CSMD2: variants seen among roughly 807,000 people sequenced by gnomAD.
CSMD2 encodes CUB and sushi domain-containing protein 2.
CSMD2 carries 130 observed loss-of-function variants against 398.5 expected under a neutral mutation model. The observed-to-expected ratio is 0.33, with a 90% CI of 0.28 to 0.38. CSMD2 has a LOEUF of 0.38. CSMD2 is among the 10% of genes least tolerant of loss of function. CSMD2 has a pLI of 1.00. For synonymous variants in CSMD2, 1,828 were observed against 1,908.5 expected (o/e 0.96, Z 1.10); for missense variants, 3,829 against 4,764.9 (o/e 0.80, Z 5.78).
intron 3 of CSMD2, among the ~76,000 whole-genome samples, chr1:34,003,951 C>G (rs1646979145): frequency 6.6e-6 from 1 of 152,210 alleles, no homozygotes; most frequent in Non-Finnish European, 1.5e-5. Flanking sequence ...CTGCCCCCAT[C>G]CCATGTGGCT....
rs1327455958 is a variant in CSMD2 at position 33,524,870 on chromosome 1, C to T, written c.10396+12G>A. 4 of 1,613,466 alleles carry T rather than the reference C, an allele frequency of 2.5e-6. No individual in the cohort carries two copies. Among genetic ancestry groups the T allele is most frequent in the South Asian group, 2.2e-5 (2 of 91,028 alleles). On this transcript the variant is annotated intron_variant, in intron 66 of 70. Transcript: ENST00000373381. The stretch of plus-strand genomic sequence containing the variant: ...CATCCTCCCGGCTTTCATAGAGGGG[C>T]CTGCTCCTTACCAGCCAAGTGCAGC...
intron 62 of CSMD2, 150 bp from the exon 63 acceptor site, chr1:33,534,057 T>C (rs1532307): frequency 0.21 from 122,329 of 592,448 alleles, 14,157 homozygotes; most frequent in East Asian, 0.34. Context: ...AATTTTCTTC[T>C]TCCTTTGAGG....
At chr1:34,154,409 C>T (rs1424543178) in intron 1 of CSMD2, among the ~76,000 whole-genome samples, 1 of 152,218 alleles carries the variant, frequency 6.6e-6, no homozygotes, top group Non-Finnish European at 1.5e-5. Context: ...ACTATTCTCA[C>T]ACAGGGTCCC....
At chr1:34,025,654 T>A (rs761242758) in intron 3 of CSMD2, among the ~76,000 whole-genome samples, 16 of 152,152 alleles carry the variant, frequency 1.1e-4, no homozygotes, top group Non-Finnish European at 1.9e-4. Context: ...TTTGACTTCT[T>A]ACTAGGACCC....
Position 33,690,985 on chromosome 1 carries a change from G to A in CSMD2, c.4052+1945C>T, listed in dbSNP as rs558445105. ...GACTCCTAGGAGCCCCGCAAGAGAGGGGGTGAGGGATGACCTCCCGGGTGA... is the reference window on the plus strand; with the variant it reads ...GACTCCTAGGAGCCCCGCAAGAGAGAGGGTGAGGGATGACCTCCCGGGTGA... On this transcript the variant is annotated intron_variant, in intron 25 of 70. Transcript: ENST00000373381. Among the ~76,000 whole-genome samples, 7 of 152,334 alleles carry A rather than the reference G, an allele frequency of 4.6e-5. No individual in the cohort carries two copies. The South Asian group carries it at 1.4e-3, about 32-fold the overall frequency.
chr1:34,165,742 C>T (rs1294632589), upstream of CSMD2: 3 of 1,613,930 alleles, frequency 1.9e-6, no homozygotes, highest in Non-Finnish European at 2.5e-6. Context: ...AGTCTTGGCT[C>T]TTACCAGCTG....
chr1:33,562,327 A>G (rs931561722), intron 53 of CSMD2, among the ~76,000 whole-genome samples: 2 of 152,142 alleles, frequency 1.3e-5, no homozygotes, highest in Middle Eastern at 3.2e-3. Flanking sequence ...GTGCCCCCAT[A>G]TAAGTTCTTC....
At chr1:33,822,195 G>T (rs188317770) in intron 7 of CSMD2, among the ~76,000 whole-genome samples, 1 of 152,268 alleles carries the variant, frequency 6.6e-6, no homozygotes, top group East Asian at 1.9e-4. Context: ...CTGGAGTGAG[G>T]CTAGACATGA....
intron 13 of CSMD2, among the ~76,000 whole-genome samples, chr1:33,759,324 C>CTTTCTTTTTTTTT (rs1553196465): frequency 8.0e-6 from 1 of 124,792 alleles, no homozygotes; most frequent in Non-Finnish European, 1.7e-5. Context: ...CTTTTTTTTT[C>CTTTCTTTTTTTTT]TTTTTTTTTT....
intron 8 of CSMD2, among the ~76,000 whole-genome samples, 174 bp downstream of exon 8, chr1:33,820,295 C>T (rs1253697882): frequency 6.6e-6 from 1 of 152,122 alleles, no homozygotes; most frequent in Non-Finnish European, 1.5e-5. Context: ...GGCACTATGC[C>T]AAGGACTGAA....
chr1:33,941,865 T>C (rs1163394440), intron 3 of CSMD2, among the ~76,000 whole-genome samples: 2 of 151,896 alleles, frequency 1.3e-5, no homozygotes, highest in Non-Finnish European at 2.9e-5. Flanking sequence ...ATACATTTTA[T>C]ATATGTCATA....
At chr1:34,064,900 A>G (rs1654939617) in intron 2 of CSMD2, among the ~76,000 whole-genome samples, 1 of 152,208 alleles carries the variant, frequency 6.6e-6, no homozygotes, top group South Asian at 2.1e-4. Context: ...AACAAGAGAA[A>G]AATGAGGAAG....
intron 5 of CSMD2, chr1:33,863,965 G>A (rs1639752162): frequency 1.9e-6 from 1 of 528,680 alleles, no homozygotes; most frequent in African/African-American, 1.9e-5. Flanking sequence ...GTACACAAAT[G>A]CCCACAGGTG....
At chr1:33,845,514 C>T (rs1299829910) in intron 6 of CSMD2, among the ~76,000 whole-genome samples, 2 of 152,154 alleles carry the variant, frequency 1.3e-5, no homozygotes, top group African/African-American at 2.4e-5. Context: ...TTAGAAACAC[C>T]CAGCACTTAC....
chr1:33,549,486 A>G (rs551402790), intron 56 of CSMD2, among the ~76,000 whole-genome samples: 12 of 152,354 alleles, frequency 7.9e-5, no homozygotes, highest in South Asian at 2.1e-4. Flanking sequence ...TTGTTCTGCT[A>G]TATGGCATTA....
intron 1 of CSMD2, among the ~76,000 whole-genome samples, chr1:34,097,968 G>A (rs1659533560): frequency 1.6e-5 from 2 of 127,404 alleles, no homozygotes; most frequent in African/African-American, 6.2e-5. Context: ...GCACACGTAT[G>A]TTTATTGTGG....
At chr1:34,023,417 T>C (rs1649192534) in intron 3 of CSMD2, among the ~76,000 whole-genome samples, 1 of 152,048 alleles carries the variant, frequency 6.6e-6, no homozygotes, top group East Asian at 1.9e-4. Context: ...CTTCTCAGAG[T>C]AGCCACTTTT....
chr1:34,005,860 T>C (rs770764774), intron 3 of CSMD2, among the ~76,000 whole-genome samples: 1 of 152,232 alleles, frequency 6.6e-6, no homozygotes, highest in African/African-American at 2.4e-5. Flanking sequence ...CACACTGTTA[T>C]GATGCTATCC....
At chr1:34,143,019 G>C (rs1357117934) in intron 1 of CSMD2, among the ~76,000 whole-genome samples, 1 of 152,148 alleles carries the variant, frequency 6.6e-6, no homozygotes, top group African/African-American at 2.4e-5. Context: ...GGTAACAACA[G>C]TCCCAGCTCC....
Sources: allele counts gnomAD v4.1 joint callset (sites outside exome capture counted in the v4.1 genomes callset), GRCh38; gene constraint gnomAD v4.1.1; transcripts MANE v1.5; gene names NCBI Gene and HGNC (gene_info 2026-07-23, HGNC 2026-07-21).